Variants in KLHDC2 observed in about 807,000 individuals in gnomAD.
The protein encoded by KLHDC2 is kelch domain containing 2.
Under a neutral mutation model 62.3 loss-of-function variants are expected in KLHDC2, and 38 were observed. The observed-to-expected ratio is 0.61, with a 90% CI of 0.47 to 0.80. The LOEUF (loss-of-function observed/expected upper bound fraction) is 0.80. Ranked by LOEUF, KLHDC2 falls within the 30% of genes least tolerant of loss-of-function variation. The probability of loss-of-function intolerance (pLI) is 0.00; values close to 1 mark genes in which losing one functional copy is unlikely to be tolerated. For missense variants in KLHDC2, 430 were observed against 495.3 expected (o/e 0.87, Z 1.25); for synonymous variants, 159 against 161.0 (o/e 0.99, Z 0.09).
At position 49,768,178 on chromosome 14, in the gene KLHDC2, C is replaced by G; in HGVS notation, c.-291C>G. Reference sequence around the variant, plus strand: ...AGACGGGCTGCAATAGGGAGCCGGCCCGACGCGGACCGCTTCCCTGCAGTG... The same window carrying G: ...AGACGGGCTGCAATAGGGAGCCGGCGCGACGCGGACCGCTTCCCTGCAGTG... On this transcript the variant is annotated 5_prime_UTR_variant, in exon 1 of 13. Coordinates refer to ENST00000298307, the MANE Select transcript of KLHDC2 (RefSeq NM_014315.3). 4.0e-6 allele frequency: 1 copy of G among 248,380 alleles called. No individual in the cohort carries two copies. Among genetic ancestry groups the G allele is most frequent in the Non-Finnish European group, 7.6e-6 (1 of 131,782 alleles). The allele number at this position is 248,380 out of a possible 1,614,324, so 15.4% of individuals were successfully genotyped here.
In KLHDC2 at chr14:49,780,310, A is replaced by G; in HGVS notation, c.871A>G (p.Lys291Glu). Reference protein sequence around the residue: ...LFLFGGFTTDKQPLSDAWTYC... With the variant: ...LFLFGGFTTDEQPLSDAWTYC... Reference sequence around the variant, plus strand: ...TCTCTTTGGAGGATTTACCACTGATAAACAGCCACTAAGTAAGTCCTTGAA... The same window carrying G: ...TCTCTTTGGAGGATTTACCACTGATGAACAGCCACTAAGTAAGTCCTTGAA... Residue 291 changes from lysine to glutamate, a missense_variant, in exon 9 of 13, where the codon AAA becomes GAA. Lys to Glu is a moderately conservative substitution (Grantham distance 56, BLOSUM62 1). Transcript: ENST00000298307. 1 of 1,588,484 alleles carries G rather than the reference A, an allele frequency of 6.3e-7. No homozygotes were observed. Among genetic ancestry groups the G allele is most frequent in the Non-Finnish European group, 8.6e-7 (1 of 1,156,604 alleles).
intron 8 of KLHDC2, 170 bp from the exon 9 acceptor site, chr14:49,780,043 C>A (rs1242529842): frequency 3.2e-6 from 2 of 623,834 alleles, no homozygotes; most frequent in Admixed American, 5.9e-5. Context: ...GAAGTTGATT[C>A]TAACGTCAAA....
At chr14:49,774,871 AAC>A in intron 3 of KLHDC2, 193 bp downstream of exon 3, 1 of 575,096 alleles carries the variant, frequency 1.7e-6, no homozygotes, top group Non-Finnish European at 3.1e-6. Flanking sequence ...ATGTAAAATC[AAC>A]TTTTGTTGGT....
At chr14:49,777,169 T>TA (rs1392559973) in intron 3 of KLHDC2, among the ~76,000 whole-genome samples, 1 of 152,140 alleles carries the variant, frequency 6.6e-6, no homozygotes, top group Non-Finnish European at 1.5e-5. Context: ...ACACCATATG[T>TA]TCTCACTCAT....
rs138092134 is a variant in KLHDC2, at chr14:49,777,892, T to G, written c.405T>G (p.Ile135Met). 2.5e-6 allele frequency: 4 copies of G among 1,612,454 alleles called. No homozygotes were observed. The African/African-American group carries it at 4.0e-5, about 16-fold the overall frequency. The part of the protein sequence containing the change: ...STDRVLQWER[I>M]DCQGIPPSSK... Reference sequence around the variant, plus strand: ...ACAGAGTGTTACAGTGGGAAAGAATTGATTGCCAAGGAATTCCTCCATCAT... The same window carrying G: ...ACAGAGTGTTACAGTGGGAAAGAATGGATTGCCAAGGAATTCCTCCATCAT... Residue 135 changes from isoleucine to methionine, a missense_variant, in exon 4 of 13, where the codon ATT becomes ATG. By Grantham distance (10) the Ile-to-Met change is conservative. Transcript: ENST00000298307.
intron 10 of KLHDC2, among the ~76,000 whole-genome samples, chr14:49,781,369 C>CA (rs1555343492): frequency 2.8e-4 from 35 of 124,660 alleles, no homozygotes; most frequent in African/African-American, 9.9e-4. Context: ...AACTCTGTCT[C>CA]AAAAAAAAAA....
At chr14:49,782,787 CAGTAAAGTGAAATTACTT>C in intron 12 of KLHDC2, 25 bp from the exon 13 acceptor site, 1 of 1,594,716 alleles carries the variant, frequency 6.3e-7, no homozygotes, top group Non-Finnish European at 8.5e-7. Flanking sequence ...TACTTCCAAA[CAGTAAAGTGAAATTACTT>C]TTCTCTTTCC....
At chr14:49,773,699 CCT>C (rs1440758060) in intron 2 of KLHDC2, among the ~76,000 whole-genome samples, 16 of 151,434 alleles carry the variant, frequency 1.1e-4, no homozygotes, top group African/African-American at 3.2e-4. Context: ...GCCTCAGCCC[CCT>C]GAGTAGCTGG....
rs1889992567 is a variant in KLHDC2, at chr14:49,783,157, A to G, written c.*204A>G. ...AACACCAGTAGCTGTCCTCTATTAA[A>G]GTAAAGTAATGGTTGGGCTTTTTAC... On this transcript the variant is annotated 3_prime_UTR_variant, in exon 13 of 13. Transcript: ENST00000298307. 1 of 397,218 alleles carries G rather than the reference A, an allele frequency of 2.5e-6. No individual in the cohort carries two copies. Among genetic ancestry groups the G allele is most frequent in the Non-Finnish European group, 4.4e-6 (1 of 227,436 alleles). The allele number at this position is 397,218 out of a possible 1,614,324, so 24.6% of individuals were successfully genotyped here.
Position 49,785,344 on chromosome 14 carries a change from C to T in KLHDC2, c.*2391C>T, listed in dbSNP as rs766584416. 4 of 1,544,646 alleles carry T rather than the reference C, an allele frequency of 2.6e-6. No homozygotes were observed. Among genetic ancestry groups the T allele is most frequent in the South Asian group, 1.1e-5 (1 of 89,596 alleles). ...TCCTAAAAAGGGAAAATAACAGTTA[C>T]AAAGGCAATTTATACCGCCCTTTAC... On this transcript the variant is annotated 3_prime_UTR_variant, in exon 13 of 13. Transcript: ENST00000298307.
rs5808514 is a variant in KLHDC2 at position 49,785,889 on chromosome 14, CAAA to C, written c.*2950_*2952del. 10 of 124,140 alleles carry C rather than the reference CAAA, an allele frequency of 8.1e-5. No homozygotes were observed. Among genetic ancestry groups the C allele is most frequent in the Admixed American group, 8.6e-5 (1 of 11,562 alleles). 7.7% of individuals were successfully genotyped at this position (124,140 alleles called of 1,614,324 possible). On this transcript the variant is annotated 3_prime_UTR_variant, in exon 13 of 13. Coordinates refer to ENST00000298307, the MANE Select transcript of KLHDC2 (RefSeq NM_014315.3). ...AGCCTGGGTGACAGAGACCCTGTCTCAAAAAAAAAAAAAAAAGGAAAAAAACTA... is the reference window on the plus strand; with the variant it reads ...AGCCTGGGTGACAGAGACCCTGTCTCAAAAAAAAAAAAAGGAAAAAAACTA...
rs191641011 is a variant in KLHDC2, at chr14:49,772,993, A to C, written c.233+1320A>C. Among the ~76,000 whole-genome samples the C allele has an allele frequency of 2.0e-3, 300 of 152,332 alleles. 2 individuals are homozygous for C. Among genetic ancestry groups the C allele is most frequent in the African/African-American group, 6.9e-3 (286 of 41,580 alleles). ...CATTTAACAGTTACAAACTAAAAAT[A>C]AGTCATGATTATTTCTGTATATAAC... On this transcript the variant is annotated intron_variant, in intron 2 of 12. Transcript: ENST00000298307.
intron 2 of KLHDC2, among the ~76,000 whole-genome samples, chr14:49,773,154 C>G (rs565357351): frequency 2.8e-4 from 43 of 152,166 alleles, no homozygotes; most frequent in Non-Finnish European, 4.3e-4. Flanking sequence ...TGGCTCACAC[C>G]TGTAATCCCA....
At chr14:49,779,844 A>ATTGT (rs1889851285) in intron 8 of KLHDC2, 38 bp downstream of exon 8, 1 of 1,480,926 alleles carries the variant, frequency 6.8e-7, no homozygotes, top group South Asian at 1.1e-5. Context: ...CAAAATTCAG[A>ATTGT]TTGTTTTTAC....
At position 49,777,758 on chromosome 14, in the gene KLHDC2, C is replaced by T. The variant is rs570177405; in HGVS notation, c.352-81C>T. The T allele has an allele frequency of 2.1e-5, 16 of 771,420 alleles. No individual in the cohort carries two copies. In the South Asian group the frequency reaches 2.9e-4, roughly 14 times the overall value. The allele number at this position is 771,420 out of a possible 1,614,324, so 47.8% of individuals were successfully genotyped here. A position where few individuals can be genotyped will look rare whatever the true frequency, so the allele number is the denominator to read the frequency against. On this transcript the variant is annotated intron_variant, in intron 3 of 12. Transcript: ENST00000298307. ...GCACTGAATTAGATGGCACTCTTAT[C>T]ATAAATCATAGTAAAATTAAATGCT...
At chr14:49,772,935 A>C (rs1889693501) in intron 2 of KLHDC2, among the ~76,000 whole-genome samples, 2 of 151,492 alleles carry the variant, frequency 1.3e-5, no homozygotes, top group Admixed American at 6.6e-5. Flanking sequence ...CAGCCTGGGT[A>C]ATACAGTGAG....
intron 1 of KLHDC2, among the ~76,000 whole-genome samples, chr14:49,770,500 A>AT (rs1889640536): frequency 6.6e-6 from 1 of 152,134 alleles, no homozygotes; most frequent in East Asian, 1.9e-4. Flanking sequence ...TTTGACACCC[A>AT]TTTTTGGCTA....
chr14:49,775,440 C>G (rs1356995888), intron 3 of KLHDC2, among the ~76,000 whole-genome samples: 1 of 152,148 alleles, frequency 6.6e-6, no homozygotes, highest in Admixed American at 6.5e-5. Context: ...GAGAGATACA[C>G]AGCACCTGGC....
At position 49,784,352 on chromosome 14, in the gene KLHDC2, T is replaced by C. The variant is rs1435817486; in HGVS notation, c.*1399T>C. On this transcript the variant is annotated 3_prime_UTR_variant, in exon 13 of 13. Coordinates refer to ENST00000298307, the MANE Select transcript of KLHDC2 (RefSeq NM_014315.3). ...TTTCTTTACATCATGAAATGAATAC[T>C]TGGTATTAACCTCCCAAATTTCAAG... 7.4e-6 allele frequency: 2 copies of C among 270,910 alleles called. No individual in the cohort carries two copies. The highest frequency in any genetic ancestry group is 4.5e-5 in the African/African-American group (2 of 44,754). The allele number at this position is 270,910 out of a possible 1,614,324, so 16.8% of individuals were successfully genotyped here. A position where few individuals can be genotyped will look rare whatever the true frequency, so the allele number is the denominator to read the frequency against.
Sources: gnomAD v4.1 joint callset for allele counts (sites outside exome capture counted in the v4.1 genomes callset) on GRCh38, gnomAD v4.1.1 for gene constraint, MANE v1.5 for transcripts, NCBI Gene and HGNC (gene_info 2026-07-23, HGNC 2026-07-21) for gene names.